PAK1: variants seen among roughly 807,000 people sequenced by gnomAD.
PAK1 encodes the protein p21 (RAC1) activated kinase 1.
Under a neutral mutation model 67.4 loss-of-function variants are expected in PAK1, and 29 were observed. The observed-to-expected ratio is 0.43, with a 90% CI of 0.32 to 0.59. The LOEUF (loss-of-function observed/expected upper bound fraction) is 0.59, where lower values mean the gene tolerates loss of function less well. PAK1 is among the 20% of genes least tolerant of loss of function. The probability of loss-of-function intolerance (pLI) is 0.07; values close to 1 mark genes in which losing one functional copy is unlikely to be tolerated. For missense variants in PAK1, 337 were observed against 670.7 expected (o/e 0.50, Z 5.50); for synonymous variants, 223 against 237.4 (o/e 0.94, Z 0.56).
chr11:77,477,888 A>G (rs1392706089), upstream of PAK1, among the ~76,000 whole-genome samples: 2 of 152,196 alleles, frequency 1.3e-5, no homozygotes, highest in African/African-American at 2.4e-5. Context: ...ATGCCACTGC[A>G]CTCCAGCCCA....
chr11:77,484,806 T>C, the PAK1 span, among the ~76,000 whole-genome samples: 6 of 152,322 alleles, frequency 3.9e-5, no homozygotes, highest in South Asian at 1.2e-3. Context: ...TATTAGTCTG[T>C]TTTCACGCTG....
intron 1 of PAK1, among the ~76,000 whole-genome samples, chr11:77,431,990 T>C (rs1225727739): frequency 6.6e-6 from 1 of 152,216 alleles, no homozygotes; most frequent in East Asian, 1.9e-4. Flanking sequence ...CTCTAAAGTT[T>C]AAGCCTGTGT....
At position 77,332,871 on chromosome 11, in the gene PAK1, G is replaced by T. The variant is rs777868548; in HGVS notation, c.1414-4C>A. 2.5e-6 allele frequency: 4 copies of T among 1,613,162 alleles called. No individual in the cohort carries two copies. The South Asian group carries it at 4.4e-5, about 18-fold the overall frequency. Reference sequence around the variant, plus strand: ...TGGTGGCAATGAGGTACAAGGCCTGGCAATAAAAATGGTGAATCACCTTGA... The same window carrying T: ...TGGTGGCAATGAGGTACAAGGCCTGTCAATAAAAATGGTGAATCACCTTGA... On this transcript the variant is annotated splice_region_variant and splice_polypyrimidine_tract_variant and intron_variant, in intron 13 of 14. Coordinates refer to ENST00000356341, the MANE Select transcript of PAK1 (RefSeq NM_002576.5).
chr11:77,375,597 T>C (rs911690834), intron 4 of PAK1, among the ~76,000 whole-genome samples: 1 of 152,238 alleles, frequency 6.6e-6, no homozygotes, highest in African/African-American at 2.4e-5. Flanking sequence ...TATGGTTTAA[T>C]TGGCAGCTTT....
the PAK1 span, among the ~76,000 whole-genome samples, chr11:77,501,575 C>G: frequency 6.6e-6 from 1 of 152,188 alleles, no homozygotes; most frequent in African/African-American, 2.4e-5. Context: ...AGTGACCAGT[C>G]AGTGCATCCC....
chr11:77,428,511 G>A (rs1049326693), intron 1 of PAK1, among the ~76,000 whole-genome samples: 2 of 151,668 alleles, frequency 1.3e-5, no homozygotes, highest in Admixed American at 1.3e-4. Flanking sequence ...GGCGGAGGTT[G>A]CAGTGAGCCG....
chr11:77,330,939 GA>G (rs1941355066), intron 14 of PAK1, among the ~76,000 whole-genome samples: 1 of 151,864 alleles, frequency 6.6e-6, no homozygotes, highest in Non-Finnish European at 1.5e-5. Flanking sequence ...AAATTTACAA[GA>G]AAAAAACAAA....
intron 1 of PAK1, among the ~76,000 whole-genome samples, chr11:77,424,606 G>A (rs1316205792): frequency 6.6e-6 from 1 of 152,148 alleles, no homozygotes; most frequent in Admixed American, 6.5e-5. Context: ...CTTATTTGTA[G>A]GTGCTTTAAG....
At chr11:77,453,516 TAAA>T (rs35089028) in intron 1 of PAK1, among the ~76,000 whole-genome samples, 1 of 139,232 alleles carries the variant, frequency 7.2e-6, no homozygotes, top group Non-Finnish European at 1.6e-5. Flanking sequence ...TGAGATATAT[TAAA>T]AAAAAAAAAA....
the PAK1 span, among the ~76,000 whole-genome samples, chr11:77,503,783 T>C: frequency 2.4e-4 from 37 of 152,308 alleles, no homozygotes; most frequent in East Asian, 6.6e-3. Context: ...GCCCAGAAAG[T>C]CGAGGTTGCA....
chr11:77,402,273 A>T (rs1952805083), intron 1 of PAK1, among the ~76,000 whole-genome samples: 1 of 152,194 alleles, frequency 6.6e-6, no homozygotes, highest in Non-Finnish European at 1.5e-5. Flanking sequence ...AGTGAAGTGG[A>T]AACGGCAGAG....
intron 1 of PAK1, among the ~76,000 whole-genome samples, chr11:77,444,393 A>T (rs1414352103): frequency 1.3e-5 from 2 of 151,868 alleles, no homozygotes; most frequent in Non-Finnish European, 2.9e-5. Flanking sequence ...CAGGAAGCTT[A>T]TATTTTTAAG....
chr11:77,329,155 CAA>C (rs1940811310), intron 14 of PAK1: 2 of 152,300 alleles, frequency 1.3e-5, no homozygotes, highest in Admixed American at 6.5e-5. Flanking sequence ...GCTTACCAAC[CAA>C]AAAGAGTCCA....
At position 77,381,912 on chromosome 11, in the gene PAK1, G is replaced by T. The variant is rs1223466353; in HGVS notation, c.191-1918C>A. On this transcript the variant is annotated intron_variant, in intron 2 of 14. Coordinates refer to ENST00000356341, the MANE Select transcript of PAK1 (RefSeq NM_002576.5). ...AAGCAGCTGCTTTGAGAAAGAGAAG[G>T]CTAAGGGGTATACCAGGGCCCCAAG... 3.9e-5 allele frequency among the ~76,000 whole-genome samples: 6 copies of T among 152,306 alleles called. No homozygotes were observed. In the East Asian group the frequency reaches 1.2e-3, roughly 29 times the overall value.
At chr11:77,410,948 A>AG (rs2138020705) in intron 1 of PAK1, among the ~76,000 whole-genome samples, 1 of 152,272 alleles carries the variant, frequency 6.6e-6, no homozygotes, top group African/African-American at 2.4e-5. Flanking sequence ...AAGAGAGTCT[A>AG]GTTTAACGCA....
chr11:77,521,304 C>A, the PAK1 span, among the ~76,000 whole-genome samples: 1 of 152,074 alleles, frequency 6.6e-6, no homozygotes, highest in Non-Finnish European at 1.5e-5. Context: ...CCAAGGCAGG[C>A]AGATCCCCTG....
At chr11:77,406,817 C>T (rs1006650584) in intron 1 of PAK1, among the ~76,000 whole-genome samples, 2 of 152,088 alleles carry the variant, frequency 1.3e-5, no homozygotes, top group African/African-American at 2.4e-5. Context: ...GTATCAACAC[C>T]AAGATTTACT....
At chr11:77,456,146 TGTCA>T (rs1957068933) in intron 1 of PAK1, among the ~76,000 whole-genome samples, 1 of 152,128 alleles carries the variant, frequency 6.6e-6, no homozygotes, top group Non-Finnish European at 1.5e-5. Context: ...TATAGTCAGT[TGTCA>T]GTAATTACTA....
intron 1 of PAK1, among the ~76,000 whole-genome samples, chr11:77,393,339 G>C (rs1268531412): frequency 6.6e-6 from 1 of 150,774 alleles, no homozygotes; most frequent in Non-Finnish European, 1.5e-5. Context: ...TGTTACCCCA[G>C]GCTGGAGTGC....
Sources: gnomAD v4.1 joint callset for allele counts (sites outside exome capture counted in the v4.1 genomes callset) on GRCh38, gnomAD v4.1.1 for gene constraint, MANE v1.5 for transcripts, NCBI Gene and HGNC (gene_info 2026-07-23, HGNC 2026-07-21) for gene names.